Variants in ABLIM3 observed in about 807,000 individuals in gnomAD.
The protein encoded by ABLIM3 is actin-binding LIM protein 3.
In ABLIM3, 61 loss-of-function variants were observed where a neutral mutation model predicts 109.5. The observed-to-expected ratio is 0.56, with a 90% confidence interval of 0.45 to 0.69. The LOEUF is 0.69. Among genes scored for constraint, ABLIM3 ranks in the 30% least tolerant of loss-of-function variants. ABLIM3 has a pLI of 0.00. For synonymous variants in ABLIM3, 300 were observed against 324.8 expected, an observed-to-expected ratio of 0.92 and a Z score of 0.82; for missense variants, 796 against 889.5, an observed-to-expected ratio of 0.89 and a Z score of 1.34.
chr5:149,234,686 T>C (rs1306123623), intron 10 of ABLIM3, among the ~76,000 whole-genome samples: 1 of 152,226 alleles, frequency 6.6e-6, no homozygotes, highest in East Asian at 1.9e-4. Flanking sequence ...GAAGATTCCT[T>C]TCTAAAGCAA....
chr5:149,177,373 T>G (rs1211267819), intron 2 of ABLIM3, among the ~76,000 whole-genome samples: 8 of 152,208 alleles, frequency 5.3e-5, no homozygotes, highest in Non-Finnish European at 1.2e-4. Flanking sequence ...CACTCACTTA[T>G]TTTAAGTAAG....
intron 1 of ABLIM3, 57 bp from the exon 2 acceptor site, chr5:149,141,952 G>GGA: frequency 8.5e-7 from 1 of 1,181,762 alleles, no homozygotes; most frequent in Non-Finnish European, 1.3e-6. Flanking sequence ...GACAGCAGAG[G>GGA]GAGAGAGAGC....
intron 8 of ABLIM3, chr5:149,217,328 G>A (rs1460330357): frequency 2.1e-6 from 1 of 473,666 alleles, no homozygotes; most frequent in Non-Finnish European, 3.9e-6. Flanking sequence ...GACTCTCCTG[G>A]CTCTGCCTTG....
At chr5:149,248,061 G>A (rs192415055) in intron 18 of ABLIM3, 132 bp downstream of exon 18, 88 of 1,194,014 alleles carry the variant, frequency 7.4e-5, no homozygotes, top group Non-Finnish European at 4.6e-6. Context: ...CTTCCTCACA[G>A]CAGCCCTGTG....
At chr5:149,168,007 T>A (rs1460345599) in intron 2 of ABLIM3, among the ~76,000 whole-genome samples, 1 of 152,142 alleles carries the variant, frequency 6.6e-6, no homozygotes, top group Non-Finnish European at 1.5e-5. Context: ...CATTGTAGAA[T>A]GTTTAGCAGC....
intron 3 of ABLIM3, among the ~76,000 whole-genome samples, chr5:149,187,155 C>T (rs1411951280): frequency 1.3e-5 from 2 of 152,146 alleles, no homozygotes; most frequent in Non-Finnish European, 2.9e-5. Context: ...TAATAGAGAA[C>T]ATGAGTGGGA....
chr5:149,173,275 G>A (rs765921744), intron 2 of ABLIM3, among the ~76,000 whole-genome samples: 17 of 152,208 alleles, frequency 1.1e-4, no homozygotes, highest in Non-Finnish European at 2.4e-4. Flanking sequence ...GTAGGACTTT[G>A]AGCAATGGGA....
intron 8 of ABLIM3, among the ~76,000 whole-genome samples, chr5:149,225,491 C>T (rs529523761): frequency 6.6e-6 from 1 of 152,310 alleles, no homozygotes; most frequent in South Asian, 2.1e-4. Context: ...ATCAGCAGGT[C>T]ATTCCTTTTA....
rs531805600 is a variant in ABLIM3 at position 149,210,443 on chromosome 5, G to A, written c.576-283G>A. On this transcript the variant is annotated intron_variant, in intron 6 of 23. Coordinates refer to ENST00000309868, the MANE Select transcript of ABLIM3 (RefSeq NM_014945.5). ...TGTTAGTGGCTATTAGTCATAGGGG[G>A]TGGTATAAGAATAAGGGATAACAAT... 4.6e-5 allele frequency among the ~76,000 whole-genome samples: 7 copies of A among 152,332 alleles called. No individual in the cohort carries two copies. The South Asian group carries it at 1.5e-3, about 32-fold the overall frequency.
intron 22 of ABLIM3, 150 bp downstream of exon 22, chr5:149,252,358 C>T (rs1754016852): frequency 5.2e-6 from 4 of 770,168 alleles, no homozygotes; most frequent in South Asian, 2.2e-5. Flanking sequence ...ATTTCCTGTC[C>T]CTTCTTGGCC....
chr5:149,153,182 T>G (rs1230566779), intron 2 of ABLIM3, among the ~76,000 whole-genome samples: 1 of 152,058 alleles, frequency 6.6e-6, no homozygotes, highest in Non-Finnish European at 1.5e-5. Context: ...TTTAATAAAT[T>G]TACTCTCTTA....
rs768683615 is a variant in ABLIM3, at chr5:149,210,794, G to A, written c.644G>A (p.Arg215Gln). The change falls in exon 7 of 24, where the codon CGA (arginine) becomes CAA (glutamine). Residue 215 changes from arginine (R) to glutamine (Q), a missense_variant. Transcript: ENST00000309868. ...QFGIKCETCD[R>Q]YISGRVLEAG... ...GGCATTAAATGTGAGACTTGTGACCGATACATCAGTGGCAGAGTCTTGGAG... is the reference window on the plus strand; with the variant it reads ...GGCATTAAATGTGAGACTTGTGACCAATACATCAGTGGCAGAGTCTTGGAG... The A allele has an allele frequency of 1.5e-5, 24 of 1,613,976 alleles. No homozygotes were observed. Among genetic ancestry groups the A allele is most frequent in the Admixed American group, 5.0e-5 (3 of 59,986 alleles).
intron 3 of ABLIM3, among the ~76,000 whole-genome samples, chr5:149,189,382 G>C (rs966113344): frequency 2.6e-5 from 4 of 152,236 alleles, no homozygotes; most frequent in African/African-American, 4.8e-5. Flanking sequence ...TAAAACTTTT[G>C]TGCTTCAAAA....
intron 23 of ABLIM3, among the ~76,000 whole-genome samples, chr5:149,256,823 T>C (rs546916008): frequency 1.1e-3 from 171 of 152,340 alleles, no homozygotes; most frequent in African/African-American, 3.9e-3. Flanking sequence ...TTTCTCTCTT[T>C]TGTGTAGTTT....
Position 149,162,103 on chromosome 5 carries a change from C to T in ABLIM3, c.13+19995C>T, listed in dbSNP as rs187376799. ...TCAAATGAGGCAATGAATGAGAAAGCCTTTGCGTTAGCCTCTGTTTTGCTG... is the reference window on the plus strand; with the variant it reads ...TCAAATGAGGCAATGAATGAGAAAGTCTTTGCGTTAGCCTCTGTTTTGCTG... On this transcript the variant is annotated intron_variant, in intron 2 of 23. Transcript: ENST00000309868. Among the ~76,000 whole-genome samples the T allele has an allele frequency of 1.8e-4, 28 of 152,318 alleles. No homozygotes were observed. The East Asian group carries it at 5.4e-3, about 29-fold the overall frequency.
intron 8 of ABLIM3, chr5:149,218,270 A>C (rs530628544): frequency 6.6e-6 from 1 of 152,352 alleles, no homozygotes; most frequent in Admixed American, 6.5e-5. Context: ...CAGAGATGGC[A>C]CCTTCTCTCT....
At chr5:149,240,395 C>G (rs1306831256) in intron 13 of ABLIM3, 1 of 501,880 alleles carries the variant, frequency 2.0e-6, no homozygotes, top group Non-Finnish European at 3.6e-6. Context: ...ATAAGAGGTT[C>G]AAACTAACAT....
chr5:149,211,914 C>G (rs935717439), intron 7 of ABLIM3, among the ~76,000 whole-genome samples: 4 of 151,994 alleles, frequency 2.6e-5, no homozygotes, highest in African/African-American at 7.2e-5. Flanking sequence ...TCAACACAAG[C>G]ACTCATGGTA....
At chr5:149,165,902 T>C (rs867182849) in intron 2 of ABLIM3, among the ~76,000 whole-genome samples, 1 of 152,178 alleles carries the variant, frequency 6.6e-6, no homozygotes, top group South Asian at 2.1e-4. Flanking sequence ...ATATGAGATA[T>C]GATGTTAAGA....
Sources: allele counts gnomAD v4.1 joint callset (sites outside exome capture counted in the v4.1 genomes callset), GRCh38; gene constraint gnomAD v4.1.1; transcripts MANE v1.5; gene names NCBI Gene and HGNC (gene_info 2026-07-23, HGNC 2026-07-21).